Variants in LIPC observed in about 807,000 individuals in gnomAD.
LIPC encodes the protein hepatic triacylglycerol lipase.
In LIPC, 44 loss-of-function variants were observed where a neutral mutation model predicts 50.7. The observed-to-expected ratio is 0.87, with a 90% CI of 0.68 to 1.11. The LOEUF is 1.11. Among genes scored for constraint, LIPC ranks in the 50% most tolerant of loss-of-function variants. The pLI, the probability that LIPC is intolerant of heterozygous loss-of-function variation, is 0.00. For synonymous variants in LIPC, 271 were observed against 256.4 expected, an observed-to-expected ratio of 1.06 and a Z score of -0.54; for missense variants, 697 against 648.2, an observed-to-expected ratio of 1.08 and a Z score of -0.82.
intron 1 of LIPC, among the ~76,000 whole-genome samples, chr15:58,500,004 G>A (rs1205488814): frequency 1.3e-5 from 2 of 152,176 alleles, no homozygotes; most frequent in Admixed American, 6.5e-5. Flanking sequence ...TCCAGCTGGA[G>A]TAAGGAGAGT....
chr15:58,524,265 A>C (rs1595919294), intron 1 of LIPC, among the ~76,000 whole-genome samples: 1 of 152,348 alleles, frequency 6.6e-6, no homozygotes, highest in East Asian at 1.9e-4. Flanking sequence ...TTTTCAAATC[A>C]GTACAGAGTG....
At chr15:58,537,110 G>A (rs1893149241) in intron 1 of LIPC, among the ~76,000 whole-genome samples, 1 of 152,202 alleles carries the variant, frequency 6.6e-6, no homozygotes. Context: ...AGAAGGAAGG[G>A]ATGAGAGCTT....
chr15:58,477,035 G>A (rs539815837), intron 1 of LIPC, among the ~76,000 whole-genome samples: 63 of 152,162 alleles, frequency 4.1e-4, no homozygotes, highest in Non-Finnish European at 7.2e-4. Context: ...CTTCATCCAT[G>A]TTTGCTAAGC....
At position 58,550,931 on chromosome 15, in the gene LIPC, G is replaced by A. The variant is rs553989046; in HGVS notation, c.1051+2359G>A. 1.5e-4 allele frequency among the ~76,000 whole-genome samples: 21 copies of A among 139,676 alleles called. No homozygotes were observed. The South Asian group carries it at 4.7e-3, about 32-fold the overall frequency. The allele number at this position is 139,676 out of a possible 152,430, so 91.6% of individuals were successfully genotyped here. A position where few individuals can be genotyped will look rare whatever the true frequency, so the allele number is the denominator to read the frequency against. ...GGCTCACTGCAACCTCCACCTGCAG[G>A]GTTCAAGTGATTCTCCTGCCTCAGC... On this transcript the variant is annotated intron_variant, in intron 6 of 8. Transcript: ENST00000299022.
intron 7 of LIPC, 86 bp downstream of exon 7, chr15:58,561,067 A>G (rs927679304): frequency 2.0e-5 from 16 of 798,178 alleles, no homozygotes; most frequent in Non-Finnish European, 3.2e-5. Flanking sequence ...TTCAAGAGTC[A>G]GGCCAGCTAC....
At chr15:58,468,467 T>G (rs1356942237) in intron 1 of LIPC, among the ~76,000 whole-genome samples, 2 of 152,142 alleles carry the variant, frequency 1.3e-5, no homozygotes, top group Admixed American at 6.5e-5. Flanking sequence ...AAGATTCTGA[T>G]GCACACCCGT....
intron 8 of LIPC, chr15:58,565,517 G>T: frequency 7.4e-7 from 1 of 1,353,910 alleles, no homozygotes; most frequent in Non-Finnish European, 9.5e-7. Flanking sequence ...CATGGCATTG[G>T]TCTCACGTGA....
At chr15:58,482,005 T>G (rs1416879861) in intron 1 of LIPC, among the ~76,000 whole-genome samples, 3 of 152,220 alleles carry the variant, frequency 2.0e-5, no homozygotes, top group Non-Finnish European at 4.4e-5. Context: ...GGAAAGAGCC[T>G]GGGGTCAGAA....
In LIPC at chr15:58,437,690, G is replaced by A. The variant is rs201812127; in HGVS notation, c.88+5570G>A. 2.0e-4 allele frequency among the ~76,000 whole-genome samples: 31 copies of A among 152,210 alleles called. No individual in the cohort carries two copies. In the East Asian group the frequency reaches 5.8e-3, roughly 28 times the overall value. ...CACTCAAAATCACTACCCCAGCAGG[G>A]TCTGTCAGATTTCTGAGAGGCCTCC... On this transcript the variant is annotated intron_variant, in intron 1 of 8. Transcript: ENST00000299022.
At chr15:58,562,263 T>G (rs1262988419) in intron 7 of LIPC, among the ~76,000 whole-genome samples, 1 of 152,180 alleles carries the variant, frequency 6.6e-6, no homozygotes, top group African/African-American at 2.4e-5. Flanking sequence ...CTCAATGTTA[T>G]GCACTGTGGG....
At chr15:58,560,499 A>G (rs557205496) in intron 6 of LIPC, among the ~76,000 whole-genome samples, 2 of 152,358 alleles carry the variant, frequency 1.3e-5, no homozygotes, top group Admixed American at 1.3e-4. Flanking sequence ...TAAAAGGCAT[A>G]TATTCTTTGA....
chr15:58,540,000 G>A (rs149705438), intron 2 of LIPC, among the ~76,000 whole-genome samples: 8 of 152,274 alleles, frequency 5.3e-5, no homozygotes, highest in East Asian at 3.9e-4. Context: ...TCTGCAGCTC[G>A]GCTTTCTAAT....
Position 58,548,340 on chromosome 15 carries a change from G to A in LIPC, c.819G>A (p.Gln273=). The part of the protein sequence containing the change: ...IAQHGFNAIT[Q]TIKCSHERSV... ...TGCCCTGTGTTCCAGCCATCACCCA[G>A]ACCATAAAATGCTCCCACGAGCGAT... The change falls in exon 6 of 9, where the codon CAG becomes CAA. Residue 273 remains glutamine (Q), a synonymous_variant. Coordinates refer to ENST00000299022, the MANE Select transcript of LIPC (RefSeq NM_000236.3). The A allele has an allele frequency of 6.2e-7, 1 of 1,614,096 alleles. No homozygotes were observed.
intron 1 of LIPC, among the ~76,000 whole-genome samples, chr15:58,475,166 A>C (rs1316390105): frequency 6.6e-6 from 1 of 152,026 alleles, no homozygotes; most frequent in Non-Finnish European, 1.5e-5. Flanking sequence ...CTGTCTCTCA[A>C]ATGTGTCCCC....
chr15:58,542,116 C>G (rs777412936), intron 3 of LIPC, 149 bp downstream of exon 3: 1 of 963,056 alleles, frequency 1.0e-6, no homozygotes, highest in Admixed American at 2.0e-5. Flanking sequence ...AGGACTGACA[C>G]CAGACCCCAG....
At chr15:58,491,034 A>G (rs1438853133) in intron 1 of LIPC, among the ~76,000 whole-genome samples, 1 of 152,198 alleles carries the variant, frequency 6.6e-6, no homozygotes, top group African/African-American at 2.4e-5. Context: ...GTCATTCTCA[A>G]ATTTATCTCC....
intron 1 of LIPC, chr15:58,436,423 A>T (rs1458382690): frequency 4.1e-6 from 1 of 243,962 alleles, no homozygotes; most frequent in African/African-American, 2.3e-5. Context: ...TTTGATAGGT[A>T]AAAATTTGGA....
At chr15:58,468,411 C>A (rs537311797) in intron 1 of LIPC, among the ~76,000 whole-genome samples, 131 of 151,972 alleles carry the variant, frequency 8.6e-4, no homozygotes, top group Non-Finnish European at 1.6e-3. Context: ...GAATCAGAAA[C>A]TCTGAGAATG....
Position 58,541,843 on chromosome 15 carries a change from C to A in LIPC, c.332C>A (p.Pro111Gln). 6.2e-7 allele frequency: 1 copy of A among 1,612,758 alleles called. No homozygotes were observed. The highest frequency in any genetic ancestry group is 1.1e-5 in the South Asian group (1 of 91,008). Residue 111 changes from proline (P) to glutamine (Q), a missense_variant, in exon 3 of 9, where the codon CCG becomes CAG. Pro to Gln is a moderately conservative substitution (Grantham distance 76). Coordinates refer to ENST00000299022, the MANE Select transcript of LIPC (RefSeq NM_000236.3). The stretch of plus-strand genomic sequence containing the variant: ...ATGGTGGCCGCGCTGAAGTCTCAGC[C>A]GGCCCAGCCAGTGAACGTGGGGCTG... ...WQMVAALKSQ[P>Q]AQPVNVGLVD... is the part of the protein sequence containing the mutation.
Sources: allele counts gnomAD v4.1 joint callset (sites outside exome capture counted in the v4.1 genomes callset), GRCh38; gene constraint gnomAD v4.1.1; transcripts MANE v1.5; gene names NCBI Gene and HGNC (gene_info 2026-07-23, HGNC 2026-07-21).